The following PCDHGB6 variants were observed in gnomAD, a reference collection of about 807,000 sequenced individuals.
The protein encoded by PCDHGB6 is protocadherin gamma-B6.
PCDHGB6 carries 51 observed loss-of-function variants against 59.1 expected under a neutral mutation model. The observed-to-expected ratio is 0.86, with a 90% CI of 0.69 to 1.09. The LOEUF is 1.09. Among genes scored for constraint, PCDHGB6 ranks in the 50% least tolerant of loss-of-function variants. The pLI, the probability that PCDHGB6 is intolerant of heterozygous loss-of-function variation, is 0.00. For synonymous variants in PCDHGB6, 466 were observed against 495.1 expected, an observed-to-expected ratio of 0.94 and a Z score of 0.78; for missense variants, 1,148 against 1,205.1, an observed-to-expected ratio of 0.95 and a Z score of 0.70.
chr5:141,442,006 G>A (rs540427406), intron 1 of PCDHGB6: 77 of 229,074 alleles, frequency 3.4e-4, no homozygotes, highest in African/African-American at 1.6e-3. Context: ...CTGACAGCTC[G>A]CACGATGGGC....
chr5:141,471,964 T>C lies in PCDHGB6; in HGVS notation c.2419-22843T>C, dbSNP rs138170906. Among the ~76,000 whole-genome samples, 591 of 152,278 alleles carry C rather than the reference T, an allele frequency of 3.9e-3. 6 individuals are homozygous for C. Among genetic ancestry groups the C allele is most frequent in the Admixed American group, 0.011 (171 of 15,292 alleles). On this transcript the variant is annotated intron_variant, in intron 1 of 3. Transcript: ENST00000520790. ...TCTAAAACTGGATTGTGGGGTTGGT[T>C]GCATTACTGTATAAATTTATTAAAA...
rs568123995 is a variant in PCDHGB6 at position 141,511,539 on chromosome 5, C to G, written c.*366C>G. The G allele has an allele frequency of 3.0e-5, 10 of 328,342 alleles. No individual in the cohort carries two copies. The highest frequency in any genetic ancestry group is 2.1e-4 in the African/African-American group (10 of 47,452). The allele number at this position is 328,342 out of a possible 1,614,324, so 20.3% of individuals were successfully genotyped here. ...CATCCCATGCCTCCCTCCTCCCCAC[C>G]CCACTCCAACAGTTCCTCTTTCCCG... On this transcript the variant is annotated 3_prime_UTR_variant, in exon 4 of 4. Transcript: ENST00000520790.
intron 1 of PCDHGB6, chr5:141,419,893 TCCC>T (rs571839457): frequency 5.0e-5 from 81 of 1,613,960 alleles, no homozygotes; most frequent in Non-Finnish European, 6.5e-5. Context: ...TCAGCGACCA[TCCC>T]ACACCCTCTG....
At chr5:141,484,454 G>T (rs932663778) in intron 1 of PCDHGB6, among the ~76,000 whole-genome samples, 2 of 152,212 alleles carry the variant, frequency 1.3e-5, no homozygotes, top group Non-Finnish European at 2.9e-5. Context: ...AATTGGCTAC[G>T]TTAATGTGTA....
At chr5:141,450,008 T>C (rs78952430) in intron 1 of PCDHGB6, among the ~76,000 whole-genome samples, 2 of 37,390 alleles carry the variant, frequency 5.3e-5, no homozygotes, top group African/African-American at 6.8e-4. Flanking sequence ...CCATGTCTCT[T>C]TTTTTTTTTT....
At chr5:141,434,785 T>A (rs7727021) in intron 1 of PCDHGB6, among the ~76,000 whole-genome samples, 45,585 of 150,884 alleles carry the variant, frequency 0.3, 8,100 homozygotes, top group African/African-American at 0.51. Context: ...AAAAAAAAAA[T>A]TTTTTTTTCT....
chr5:141,475,938 G>T (rs756781296), intron 1 of PCDHGB6: 22 of 682,776 alleles, frequency 3.2e-5, no homozygotes, highest in African/African-American at 7.2e-5. Flanking sequence ...GCCCCTGCCC[G>T]TCCCCTTTCT....
At chr5:141,415,132 C>T (rs752622569) in intron 1 of PCDHGB6, 4 of 1,613,696 alleles carry the variant, frequency 2.5e-6, no homozygotes, top group Non-Finnish European at 3.4e-6. Flanking sequence ...CGTCCAGGAC[C>T]ACGGCCAGCC....
chr5:141,469,436 G>A (rs556417221), intron 1 of PCDHGB6, among the ~76,000 whole-genome samples: 11 of 152,118 alleles, frequency 7.2e-5, no homozygotes, highest in East Asian at 1.9e-4. Flanking sequence ...TTAGCTGGGC[G>A]TGGTGGTGCA....
intron 1 of PCDHGB6, among the ~76,000 whole-genome samples, chr5:141,454,907 A>T (rs1304287479): frequency 1.4e-5 from 2 of 139,080 alleles, no homozygotes; most frequent in East Asian, 4.3e-4. Context: ...TCCCGGGTTC[A>T]CGCCATTCTC....
chr5:141,476,483 G>T lies in PCDHGB6; in HGVS notation c.2419-18324G>T. On this transcript the variant is annotated intron_variant, in intron 1 of 3. Coordinates refer to ENST00000520790, the MANE Select transcript of PCDHGB6 (RefSeq NM_018926.3). The surrounding 1 kb of genome is among the most constrained non-coding windows in gnomAD (Gnocchi z 7.6). ...CCCGCTGGAGCTGTTCAGCGTGGAA[G>T]TGGTGATCCAGGACATCAACGACAA... 6.2e-7 allele frequency: 1 copy of T among 1,614,166 alleles called. No homozygotes were observed. The highest frequency in any genetic ancestry group is 8.5e-7 in the Non-Finnish European group (1 of 1,180,034).
In PCDHGB6 at chr5:141,477,377, C is replaced by A. The variant is rs1456451105; in HGVS notation, c.2419-17430C>A. On this transcript the variant is annotated intron_variant, in intron 1 of 3. Coordinates refer to ENST00000520790, the MANE Select transcript of PCDHGB6 (RefSeq NM_018926.3). This position sits in a 1 kb window ranked among gnomAD's most constrained non-coding sequence, Gnocchi z 4.9. ...TGCAGACCTGGATCGGGAGACTGTG[C>A]CAGAATACAACCTCAGCATCACCGC... 1.2e-6 allele frequency: 2 copies of A among 1,614,026 alleles called. No homozygotes were observed. The highest frequency in any genetic ancestry group is 1.7e-6 in the Non-Finnish European group (2 of 1,180,032).
chr5:141,432,050 C>T lies in PCDHGB6; in HGVS notation c.2418+21430C>T. The stretch of plus-strand genomic sequence containing the variant: ...GACCGCCACTGACCGGGGAACCCCG[C>T]CCCTATCCACGGAAACTCATATCTC... On this transcript the variant is annotated intron_variant, in intron 1 of 3. Transcript: ENST00000520790. The surrounding 1 kb of genome is among the most constrained non-coding windows in gnomAD (Gnocchi z 6.0). The T allele has an allele frequency of 6.2e-7, 1 of 1,614,218 alleles. No individual in the cohort carries two copies. The highest frequency in any genetic ancestry group is 8.5e-7 in the Non-Finnish European group (1 of 1,180,044).
Position 141,408,752 on chromosome 5 carries a change from G to A in PCDHGB6, c.550G>A (p.Val184Ile), listed in dbSNP as rs780102602. 5.0e-6 allele frequency: 8 copies of A among 1,610,388 alleles called. No homozygotes were observed. The highest frequency in any genetic ancestry group is 5.9e-6 in the Non-Finnish European group (7 of 1,177,998). Residue 184 changes from valine to isoleucine, a missense_variant, in exon 1 of 4, where the codon GTT becomes ATT. By Grantham distance (29) the Val-to-Ile change is conservative. Transcript: ENST00000520790. ...TCCTTATTTTTCATTAATGGTTAGA[G>A]TTAATTCCGATGGTGGCAAATACCC... ...SNPYFSLMVR[V>I]NSDGGKYPEL...
rs2097423534 is a variant in PCDHGB6 at position 141,431,850 on chromosome 5, C to A, written c.2418+21230C>A. 6.2e-7 allele frequency: 1 copy of A among 1,614,234 alleles called. No individual in the cohort carries two copies. ...GTTCCCGAAAACTCTCCCAGAGGGA[C>A]ATTAATTGCCCTTTTAAATGTAAAT... On this transcript the variant is annotated intron_variant, in intron 1 of 3. Coordinates refer to ENST00000520790, the MANE Select transcript of PCDHGB6 (RefSeq NM_018926.3). This position sits in a 1 kb window ranked among gnomAD's most constrained non-coding sequence, Gnocchi z 4.8.
intron 1 of PCDHGB6, among the ~76,000 whole-genome samples, chr5:141,433,641 G>A (rs1177387884): frequency 6.6e-6 from 1 of 152,104 alleles, no homozygotes; most frequent in Non-Finnish European, 1.5e-5. Flanking sequence ...TTTGAGACCA[G>A]CCTGACCAAC....
Position 141,408,754 on chromosome 5 carries a change from T to G in PCDHGB6, c.552T>G (p.Val184=). 1 of 1,610,602 alleles carries G rather than the reference T, an allele frequency of 6.2e-7. No individual in the cohort carries two copies. Among genetic ancestry groups the G allele is most frequent in the Non-Finnish European group, 8.5e-7 (1 of 1,178,124 alleles). The change falls in exon 1 of 4, where the codon GTT becomes GTG. Residue 184 remains valine, a synonymous_variant. Transcript: ENST00000520790. ...SNPYFSLMVR[V]NSDGGKYPEL... is the part of the protein sequence containing the mutation. ...CTTATTTTTCATTAATGGTTAGAGT[T>G]AATTCCGATGGTGGCAAATACCCAG...
intron 1 of PCDHGB6, chr5:141,419,337 C>A (rs1283848400): frequency 6.2e-7 from 1 of 1,613,906 alleles, no homozygotes; most frequent in South Asian, 1.1e-5. Flanking sequence ...TCTCTCATTG[C>A]CAGCGACCTG....
Position 141,489,902 on chromosome 5 carries a change from C to A in PCDHGB6, c.2419-4905C>A. ...ACTGCTGTGGATGGGGGGACCCCAGCCCGCTCAGGGACCACCCTTATCTCT... is the reference window on the plus strand; with the variant it reads ...ACTGCTGTGGATGGGGGGACCCCAGACCGCTCAGGGACCACCCTTATCTCT... On this transcript the variant is annotated intron_variant, in intron 1 of 3. Transcript: ENST00000520790. The surrounding 1 kb of genome is among the most constrained non-coding windows in gnomAD (Gnocchi z 4.5). 1 of 1,614,218 alleles carries A rather than the reference C, an allele frequency of 6.2e-7. No individual in the cohort carries two copies. The highest frequency in any genetic ancestry group is 8.5e-7 in the Non-Finnish European group (1 of 1,180,032).
Sources: allele counts gnomAD v4.1 joint callset (sites outside exome capture counted in the v4.1 genomes callset), GRCh38; gene constraint gnomAD v4.1.1; non-coding constraint Gnocchi (gnomAD v3.1); transcripts MANE v1.5; gene names NCBI Gene and HGNC (gene_info 2026-07-23, HGNC 2026-07-21).